The following ESRRG variants were observed in gnomAD, a reference collection of about 807,000 sequenced individuals.
ESRRG encodes the protein estrogen-related receptor gamma.
Under a neutral mutation model 44.0 loss-of-function variants are expected in ESRRG, and 13 were observed. That is an observed-to-expected ratio of 0.30 (90% confidence interval 0.19 to 0.47). The LOEUF (loss-of-function observed/expected upper bound fraction) is 0.47. Among genes scored for constraint, ESRRG ranks in the 20% least tolerant of loss-of-function variants. The pLI, the probability that ESRRG is intolerant of heterozygous loss-of-function variation, is 1.00. For missense variants in ESRRG, 395 were observed against 580.6 expected (o/e 0.68, Z 3.29); for synonymous variants, 215 against 214.6 (o/e 1.00, Z -0.02).
In ESRRG at chr1:216,662,979, T is replaced by C. The variant is rs142439276; in HGVS notation, c.473-11890A>G. On this transcript the variant is annotated intron_variant, in intron 2 of 6. Transcript: ENST00000408911. ...AAAGGCTGCAACGACAAAAATACTT[T>C]ACAGTCTATTATCCATTATTTCCTT... 1.9e-3 allele frequency among the ~76,000 whole-genome samples: 291 copies of C among 152,326 alleles called. 2 individuals are homozygous for C. The highest frequency in any genetic ancestry group is 6.7e-3 in the African/African-American group (278 of 41,586).
intron 2 of ESRRG, among the ~76,000 whole-genome samples, chr1:216,778,556 C>T (rs189272169): frequency 6.6e-6 from 1 of 151,964 alleles, no homozygotes; most frequent in Admixed American, 6.6e-5. Flanking sequence ...TCTCTAATTA[C>T]CTTTCTTGGC....
intron 1 of ESRRG, among the ~76,000 whole-genome samples, chr1:217,080,633 T>TTTG (rs2091666911): frequency 1.3e-5 from 2 of 151,200 alleles, no homozygotes; most frequent in African/African-American, 4.9e-5. Flanking sequence ...TCTAGTGTTT[T>TTTG]TTTGTTTGTT....
intron 1 of ESRRG, among the ~76,000 whole-genome samples, chr1:217,058,195 T>C (rs1053404288): frequency 2.0e-5 from 3 of 152,168 alleles, no homozygotes; most frequent in African/African-American, 4.8e-5. Context: ...ACATGGCTTA[T>C]AGTATAAAGA....
chr1:217,002,487 T>C (rs988933792), intron 1 of ESRRG, among the ~76,000 whole-genome samples: 5 of 152,028 alleles, frequency 3.3e-5, no homozygotes, highest in African/African-American at 1.2e-4. Context: ...TCTATAAAAT[T>C]ACACATATAC....
chr1:216,751,676 T>C (rs2092021758), intron 2 of ESRRG, among the ~76,000 whole-genome samples: 1 of 152,072 alleles, frequency 6.6e-6, no homozygotes, highest in Non-Finnish European at 1.5e-5. Context: ...TCCTGTTTCT[T>C]CCCTGATAAA....
intron 2 of ESRRG, among the ~76,000 whole-genome samples, chr1:216,835,663 G>A (rs1187363113): frequency 3.3e-5 from 5 of 152,166 alleles, no homozygotes; most frequent in Non-Finnish European, 7.4e-5. Context: ...GGTGAGAGAG[G>A]AGAGAAGATG....
chr1:216,869,045 T>C (rs1352007448), intron 2 of ESRRG, among the ~76,000 whole-genome samples: 1 of 152,174 alleles, frequency 6.6e-6, no homozygotes, highest in Admixed American at 6.5e-5. Flanking sequence ...ATAGTGAGAG[T>C]GCAAACATTT....
At chr1:216,534,642 A>G (rs1240082503) in intron 5 of ESRRG, among the ~76,000 whole-genome samples, 1 of 152,216 alleles carries the variant, frequency 6.6e-6, no homozygotes, top group Non-Finnish European at 1.5e-5. Context: ...ATGTAGCCGA[A>G]TAACTGATGC....
At chr1:216,566,465 A>G (rs190183507) in intron 4 of ESRRG, among the ~76,000 whole-genome samples, 1 of 152,252 alleles carries the variant, frequency 6.6e-6, no homozygotes, top group African/African-American at 2.4e-5. Context: ...CCACTTCCCA[A>G]TTTCTCAGGT....
At position 216,522,461 on chromosome 1, in the gene ESRRG, C is replaced by T. The variant is rs1050694247; in HGVS notation, c.863-3040G>A. Among the ~76,000 whole-genome samples the T allele has an allele frequency of 4.6e-5, 7 of 151,856 alleles. No homozygotes were observed. The South Asian group carries it at 1.2e-3, about 27-fold the overall frequency. On this transcript the variant is annotated intron_variant, in intron 5 of 6. Coordinates refer to ENST00000408911, the MANE Select transcript of ESRRG (RefSeq NM_001438.4). ...AAAGTCTGAACTTCTTCTATCTTTT[C>T]TTGGTCTAGAAATTGCTGGCTCTCA...
chr1:216,672,727 G>T (rs1432110913), intron 2 of ESRRG, among the ~76,000 whole-genome samples: 2 of 151,934 alleles, frequency 1.3e-5, no homozygotes, highest in East Asian at 1.9e-4. Flanking sequence ...AATTAGGTAG[G>T]CATGGTAGTG....
At chr1:216,961,856 T>C (rs1476477471) in intron 1 of ESRRG, among the ~76,000 whole-genome samples, 5 of 152,106 alleles carry the variant, frequency 3.3e-5, no homozygotes, top group Admixed American at 3.3e-4. Context: ...TGAAAACCAT[T>C]TGGCTAAAAG....
intron 5 of ESRRG, among the ~76,000 whole-genome samples, chr1:216,534,560 A>T (rs1238817666): frequency 6.6e-6 from 1 of 152,190 alleles, no homozygotes; most frequent in Non-Finnish European, 1.5e-5. Flanking sequence ...CAGGGAAAAT[A>T]ACATTGTATT....
At chr1:217,099,542 C>T (rs113895996) in intron 1 of ESRRG, among the ~76,000 whole-genome samples, 15 of 152,308 alleles carry the variant, frequency 9.8e-5, no homozygotes, top group African/African-American at 3.1e-4. Flanking sequence ...AGGACCAATA[C>T]ATCAGCCCAG....
intron 1 of ESRRG, among the ~76,000 whole-genome samples, chr1:216,702,594 CTTT>C (rs1280712087): frequency 1.1e-4 from 13 of 115,740 alleles, no homozygotes; most frequent in Admixed American, 1.0e-3. Context: ...AAAACCCCAT[CTTT>C]ACTAAAAATA....
intron 6 of ESRRG, among the ~76,000 whole-genome samples, chr1:216,513,537 TA>T (rs1172214758): frequency 3.9e-5 from 6 of 152,302 alleles, no homozygotes; most frequent in Admixed American, 3.9e-4. Context: ...TTGCTGTGGC[TA>T]AAAAGCTAGT....
At chr1:216,874,534 C>A (rs2096315693) in intron 2 of ESRRG, among the ~76,000 whole-genome samples, 1 of 152,200 alleles carries the variant, frequency 6.6e-6, no homozygotes, top group Non-Finnish European at 1.5e-5. Context: ...CCATGCCTAG[C>A]CTTCTTCCTT....
chr1:216,687,002 A>T (rs896406263), intron 1 of ESRRG, among the ~76,000 whole-genome samples: 3 of 151,088 alleles, frequency 2.0e-5, no homozygotes, highest in Admixed American at 2.0e-4. Context: ...GCACTGAGTC[A>T]CCATTCAGGG....
rs959093336 is a variant in ESRRG, at chr1:216,667,143, G to A, written c.472+9933C>T. On this transcript the variant is annotated intron_variant, in intron 2 of 6. Transcript: ENST00000408911. ...GGCAGCTTTCCATCCACGCTACTCC[G>A]TCCGAGGACACTAGCTCAGGAGATC... 5.9e-5 allele frequency among the ~76,000 whole-genome samples: 9 copies of A among 152,288 alleles called. No individual in the cohort carries two copies. The South Asian group carries it at 1.0e-3, about 18-fold the overall frequency.
Sources: gnomAD v4.1 joint callset for allele counts (sites outside exome capture counted in the v4.1 genomes callset) on GRCh38, gnomAD v4.1.1 for gene constraint, MANE v1.5 for transcripts, NCBI Gene and HGNC (gene_info 2026-07-23, HGNC 2026-07-21) for gene names.